TNRC6A: variants seen among roughly 807,000 people sequenced by gnomAD.
The protein encoded by TNRC6A is trinucleotide repeat containing adaptor 6A, also known as trinucleotide repeat-containing gene 6A protein.
Under a neutral mutation model 221.2 loss-of-function variants are expected in TNRC6A, and 44 were observed. That is an observed-to-expected ratio of 0.20 (90% CI 0.16 to 0.26). The LOEUF is 0.26. Ranked by LOEUF, TNRC6A falls within the 10% of genes least tolerant of loss-of-function variation. The pLI, the probability that TNRC6A is intolerant of heterozygous loss-of-function variation, is 1.00. For missense variants in TNRC6A, 2,199 were observed against 2,404.4 expected (o/e 0.91, Z 1.79); for synonymous variants, 847 against 838.5 (o/e 1.01, Z -0.18).
chr16:24,771,881 C>T (rs1461162490), intron 4 of TNRC6A, among the ~76,000 whole-genome samples: 1 of 152,174 alleles, frequency 6.6e-6, no homozygotes, highest in Non-Finnish European at 1.5e-5. Flanking sequence ...TGGAAAACTA[C>T]AGTCTGCAAG....
chr16:24,728,801 G>GT (rs2151129284), upstream of TNRC6A, among the ~76,000 whole-genome samples: 1 of 152,224 alleles, frequency 6.6e-6, no homozygotes, highest in African/African-American at 2.4e-5. Flanking sequence ...CTATCTACAT[G>GT]TATGTATCTT....
At chr16:24,616,008 C>T (rs894810426) in intron 1 of TNRC6A, among the ~76,000 whole-genome samples, 18 of 152,078 alleles carry the variant, frequency 1.2e-4, no homozygotes, top group East Asian at 5.8e-4. Context: ...GCCTGGGCAA[C>T]GGAGCAAGAC....
At chr16:24,750,618 T>G in intron 2 of TNRC6A, 108 bp from the exon 3 acceptor site, 1 of 1,264,594 alleles carries the variant, frequency 7.9e-7, no homozygotes, top group South Asian at 2.4e-5. Flanking sequence ...AAATAATAAT[T>G]TGCCATGTCT....
At chr16:24,820,859 G>A (rs57259701) in intron 22 of TNRC6A, among the ~76,000 whole-genome samples, 3,356 of 152,216 alleles carry the variant, frequency 0.022, 122 homozygotes, top group African/African-American at 0.076. Flanking sequence ...CATTGGATTT[G>A]TACTGGCATC....
At chr16:24,794,776 A>G (rs1461443005) in intron 8 of TNRC6A, 57 bp downstream of exon 8, 1 of 1,536,198 alleles carries the variant, frequency 6.5e-7, no homozygotes, top group Non-Finnish European at 8.8e-7. Flanking sequence ...TAGTTTACCC[A>G]CAGAAAATTA....
intron 2 of TNRC6A, chr16:24,665,133 A>G (rs1436931051): frequency 1.1e-5 from 4 of 377,016 alleles, no homozygotes; most frequent in African/African-American, 8.3e-5. Context: ...TGGTTCGTGC[A>G]ATCATAGCTC....
intron 5 of TNRC6A, among the ~76,000 whole-genome samples, chr16:24,783,102 C>T (rs1007809112): frequency 2.0e-5 from 3 of 151,824 alleles, no homozygotes; most frequent in Admixed American, 6.6e-5. Context: ...GTCCATGGAT[C>T]TAAATTCTTC....
intron 2 of TNRC6A, among the ~76,000 whole-genome samples, chr16:24,693,796 G>T (rs1194118108): frequency 1.3e-5 from 2 of 151,422 alleles, no homozygotes; most frequent in Non-Finnish European, 2.9e-5. Context: ...GCTACTCAGG[G>T]GGCTGAGATG....
At chr16:24,783,117 A>T (rs1158402652) in intron 5 of TNRC6A, among the ~76,000 whole-genome samples, 1 of 152,094 alleles carries the variant, frequency 6.6e-6, no homozygotes, top group Non-Finnish European at 1.5e-5. Flanking sequence ...TTCTTCCTGA[A>T]TAAGTGATGC....
chr16:24,733,269 A>G (rs1371238282), intron 2 of TNRC6A, among the ~76,000 whole-genome samples: 4 of 152,124 alleles, frequency 2.6e-5, no homozygotes, highest in Admixed American at 2.6e-4. Context: ...TAGATCCTCA[A>G]TTTGGAAGCC....
intron 2 of TNRC6A, among the ~76,000 whole-genome samples, chr16:24,659,277 C>T (rs2054979709): frequency 6.6e-6 from 1 of 152,110 alleles, no homozygotes; most frequent in African/African-American, 2.4e-5. Context: ...TTCTACTTAA[C>T]AATCCAGTTT....
chr16:24,820,467 T>G (rs1368672536), intron 22 of TNRC6A, 107 bp downstream of exon 22: 1 of 970,930 alleles, frequency 1.0e-6, no homozygotes, highest in African/African-American at 1.6e-5. Flanking sequence ...TTGCCTCACC[T>G]CCATCAGGGG....
Position 24,823,930 on chromosome 16 carries a change from T to G in TNRC6A, c.*123T>G, listed in dbSNP as rs1476262573. 1.9e-6 allele frequency: 2 copies of G among 1,041,898 alleles called. No homozygotes were observed. Among genetic ancestry groups the G allele is most frequent in the Admixed American group, 6.4e-5 (2 of 31,054 alleles). The allele number at this position is 1,041,898 out of a possible 1,614,324, so 64.5% of individuals were successfully genotyped here. On this transcript the variant is annotated 3_prime_UTR_variant, in exon 25 of 25. Coordinates refer to ENST00000395799, the MANE Select transcript of TNRC6A (RefSeq NM_014494.4). This position sits in a 1 kb window ranked among gnomAD's most constrained non-coding sequence, Gnocchi z 4.3. ...CAGCTATTCTCTGCACATTTTCCAC[T>G]TTGTTTTCCCCAAAACATATCAGTT... is the stretch of plus-strand genomic sequence containing the variant.
chr16:24,670,775 A>T (rs1277381574), intron 2 of TNRC6A, among the ~76,000 whole-genome samples: 1 of 152,130 alleles, frequency 6.6e-6, no homozygotes, highest in Non-Finnish European at 1.5e-5. Flanking sequence ...TGCTGTTGCT[A>T]TGGTGACAGC....
intron 2 of TNRC6A, among the ~76,000 whole-genome samples, chr16:24,686,812 G>T (rs1194287275): frequency 1.3e-5 from 2 of 152,120 alleles, no homozygotes; most frequent in Admixed American, 1.3e-4. Flanking sequence ...GCCTGCGTTT[G>T]GATTCCCCTC....
At chr16:24,724,200 A>T (rs2056456549) in intron 2 of TNRC6A, among the ~76,000 whole-genome samples, 1 of 152,184 alleles carries the variant, frequency 6.6e-6, no homozygotes, top group Non-Finnish European at 1.5e-5. Flanking sequence ...TAAGAAAAAC[A>T]GTTCTGTAAT....
Position 24,746,257 on chromosome 16 carries a change from T to C in TNRC6A, c.54-4469T>C, listed in dbSNP as rs533451314. Among the ~76,000 whole-genome samples, 8 of 152,308 alleles carry C rather than the reference T, an allele frequency of 5.3e-5. No homozygotes were observed. The East Asian group carries it at 9.6e-4, about 18-fold the overall frequency. ...TACAAAATTGTAGGAATTTTTTTCC[T>C]ATAAAAAAAATCATGTTTCCTAGCT... On this transcript the variant is annotated intron_variant, in intron 2 of 24. Coordinates refer to ENST00000395799, the MANE Select transcript of TNRC6A (RefSeq NM_014494.4).
At chr16:24,788,745 TTCATGCCATTC>T (rs1307221712) in intron 5 of TNRC6A, among the ~76,000 whole-genome samples, 1 of 150,710 alleles carries the variant, frequency 6.6e-6, no homozygotes, top group African/African-American at 2.4e-5. Flanking sequence ...GCCTCCCGGG[TTCATGCCATTC>T]TCCTGCCTCA....
At chr16:24,716,863 C>A (rs1331319201) in intron 2 of TNRC6A, among the ~76,000 whole-genome samples, 1 of 146,566 alleles carries the variant, frequency 6.8e-6, no homozygotes, top group East Asian at 2.1e-4. Flanking sequence ...GAGGCTGAGG[C>A]GGGAGGATCA....
Sources: allele counts gnomAD v4.1 joint callset (sites outside exome capture counted in the v4.1 genomes callset), GRCh38; gene constraint gnomAD v4.1.1; non-coding constraint Gnocchi (gnomAD v3.1); transcripts MANE v1.5; gene names NCBI Gene and HGNC (gene_info 2026-07-23, HGNC 2026-07-21).